CSMD1: variants seen among roughly 807,000 people sequenced by gnomAD.
The protein encoded by CSMD1 is CUB and sushi domain-containing protein 1.
Under a neutral mutation model 417.5 loss-of-function variants are expected in CSMD1, and 213 were observed. The ratio of observed to expected loss-of-function variants is 0.51; its 90% CI spans 0.46 to 0.57. CSMD1 has a LOEUF of 0.57. Ranked by LOEUF, CSMD1 falls within the 20% of genes least tolerant of loss-of-function variation. The probability of loss-of-function intolerance (pLI) is 0.00; values close to 1 mark genes in which losing one functional copy is unlikely to be tolerated. For missense variants in CSMD1, 6,923 were observed against 4,529.7 expected, an observed-to-expected ratio of 1.53 and a Z score of -15.17; for synonymous variants, 2,862 against 1,736.8, an observed-to-expected ratio of 1.65 and a Z score of -16.11.
chr8:4,114,762 T>C (rs1337063703), intron 3 of CSMD1, among the ~76,000 whole-genome samples: 1 of 152,260 alleles, frequency 6.6e-6, no homozygotes, highest in East Asian at 1.9e-4. Context: ...GTTTCAAGAA[T>C]ATAATAAGAC....
intron 1 of CSMD1, among the ~76,000 whole-genome samples, chr8:4,852,506 A>C (rs1801537176): frequency 6.6e-6 from 1 of 152,156 alleles, no homozygotes; most frequent in African/African-American, 2.4e-5. Flanking sequence ...CAGCCAATTA[A>C]ACCTCTTTCA....
In CSMD1 at chr8:3,966,766, C is replaced by A. The variant is rs531064236; in HGVS notation, c.818+31137G>T. ...ACACACACACACACGCGCGCGCGCG[C>A]ACACACACTGATTTATAGGTCTTAG... On this transcript the variant is annotated intron_variant, in intron 5 of 69. Coordinates refer to ENST00000635120, the MANE Select transcript of CSMD1 (RefSeq NM_033225.6). Among the ~76,000 whole-genome samples, 25 of 152,004 alleles carry A rather than the reference C, an allele frequency of 1.6e-4. No individual in the cohort carries two copies. The East Asian group carries it at 4.8e-3, about 29-fold the overall frequency.
chr8:3,105,717 A>T (rs935073470), intron 46 of CSMD1, among the ~76,000 whole-genome samples: 4 of 152,262 alleles, frequency 2.6e-5, no homozygotes, highest in Admixed American at 2.0e-4. Context: ...AATATTAAAC[A>T]CCAGCTAATT....
intron 3 of CSMD1, among the ~76,000 whole-genome samples, chr8:4,232,546 G>C (rs1312190518): frequency 2.6e-5 from 4 of 152,226 alleles, no homozygotes; most frequent in East Asian, 3.9e-4. Flanking sequence ...TAATTGACTT[G>C]GCTTTTCTCC....
intron 3 of CSMD1, among the ~76,000 whole-genome samples, chr8:4,238,705 T>G (rs1307153756): frequency 6.6e-6 from 1 of 152,210 alleles, no homozygotes; most frequent in Admixed American, 6.5e-5. Flanking sequence ...TGTTAGCTGT[T>G]TGGGGCAGGT....
At chr8:4,012,842 C>T (rs577350752) in intron 4 of CSMD1, among the ~76,000 whole-genome samples, 16 of 152,194 alleles carry the variant, frequency 1.1e-4, no homozygotes, top group East Asian at 9.7e-4. Flanking sequence ...CACGAGAAGA[C>T]ACACGGTGCC....
In CSMD1 at chr8:4,466,537, G is replaced by C. The variant is rs892861727; in HGVS notation, c.303-46472C>G. On this transcript the variant is annotated intron_variant, in intron 2 of 69. Transcript: ENST00000635120. The stretch of plus-strand genomic sequence containing the variant: ...TAGAAGGCAATGGAAAGCTGTGTTT[G>C]GAAAACCATGAGCAAAAATGGGCAA... 4.6e-5 allele frequency among the ~76,000 whole-genome samples: 7 copies of C among 152,258 alleles called. No homozygotes were observed. In the South Asian group the frequency reaches 6.2e-4, roughly 14 times the overall value.
chr8:3,730,680 C>T (rs1053618917), intron 6 of CSMD1, among the ~76,000 whole-genome samples: 3 of 152,178 alleles, frequency 2.0e-5, no homozygotes, highest in African/African-American at 7.2e-5. Flanking sequence ...CATTTACTAA[C>T]CTCACCAAAA....
chr8:4,078,923 ATATATATATATATATATATG>A lies in CSMD1; in HGVS notation c.416-46844_416-46825del, dbSNP rs1476509484. Among the ~76,000 whole-genome samples, 145 of 25,462 alleles carry A rather than the reference ATATATATATATATATATATG, an allele frequency of 5.7e-3. 1 individual carries two copies. Among genetic ancestry groups the A allele is most frequent in the East Asian group, 0.051 (28 of 546 alleles). 16.7% of individuals were successfully genotyped at this position (25,462 alleles called of 152,430 possible). On this transcript the variant is annotated intron_variant, in intron 3 of 69. Coordinates refer to ENST00000635120, the MANE Select transcript of CSMD1 (RefSeq NM_033225.6). Reference sequence around the variant, plus strand: ...TATATATATATATATATATATATATATATATATATATATATATATGTATGTTGAAAAGCTATCTTCTCTTC... The same window carrying A: ...TATATATATATATATATATATATATATATGTTGAAAAGCTATCTTCTCTTC...
chr8:3,933,941 C>A (rs1435339181), intron 5 of CSMD1, among the ~76,000 whole-genome samples: 1 of 152,032 alleles, frequency 6.6e-6, no homozygotes, highest in Non-Finnish European at 1.5e-5. Flanking sequence ...AAAAACCAGC[C>A]AGGGACCTAG....
intron 4 of CSMD1, among the ~76,000 whole-genome samples, chr8:4,020,935 T>G (rs1796758107): frequency 6.6e-6 from 1 of 152,236 alleles, no homozygotes; most frequent in Non-Finnish European, 1.5e-5. Flanking sequence ...GGGAAGAATT[T>G]CCAACACATT....
chr8:4,241,760 G>C (rs1802420174), intron 3 of CSMD1, among the ~76,000 whole-genome samples: 1 of 149,706 alleles, frequency 6.7e-6, no homozygotes, highest in Non-Finnish European at 1.5e-5. Flanking sequence ...CTGGAGTGCA[G>C]TGGCGTGATC....
intron 3 of CSMD1, among the ~76,000 whole-genome samples, chr8:4,395,712 T>C (rs1804156437): frequency 6.6e-6 from 1 of 152,136 alleles, no homozygotes; most frequent in Admixed American, 6.6e-5. Context: ...TGAAGAGTCT[T>C]TGTAAAATTA....
chr8:3,546,802 T>A (rs960385858), intron 10 of CSMD1, among the ~76,000 whole-genome samples: 1 of 152,204 alleles, frequency 6.6e-6, no homozygotes, highest in Non-Finnish European at 1.5e-5. Context: ...TGCAGCTCCC[T>A]GAAGAACATC....
At chr8:3,445,424 T>C (rs909616532) in intron 12 of CSMD1, among the ~76,000 whole-genome samples, 4 of 152,140 alleles carry the variant, frequency 2.6e-5, no homozygotes, top group African/African-American at 9.6e-5. Context: ...TTGCAGATAG[T>C]TCTCAGAAAG....
chr8:4,075,381 G>C (rs1345905427), intron 3 of CSMD1, among the ~76,000 whole-genome samples: 1 of 151,776 alleles, frequency 6.6e-6, no homozygotes, highest in Non-Finnish European at 1.5e-5. Flanking sequence ...TGATGCTAAA[G>C]AACAGAAAAA....
intron 3 of CSMD1, among the ~76,000 whole-genome samples, chr8:4,078,695 G>T (rs1251878815): frequency 6.7e-6 from 1 of 149,066 alleles, no homozygotes; most frequent in South Asian, 2.1e-4. Flanking sequence ...GCTAATAAAT[G>T]TTTAAAATTA....
intron 52 of CSMD1, among the ~76,000 whole-genome samples, chr8:3,011,613 T>C (rs886990291): frequency 4.6e-5 from 7 of 152,334 alleles, no homozygotes; most frequent in African/African-American, 1.4e-4. Flanking sequence ...TGCAAACTTA[T>C]TTCTAACAAT....
At chr8:4,927,074 T>C (rs1806917964) in intron 1 of CSMD1, among the ~76,000 whole-genome samples, 1 of 145,572 alleles carries the variant, frequency 6.9e-6, no homozygotes, top group Non-Finnish European at 1.5e-5. Flanking sequence ...GGCTGTGTTA[T>C]TTGCTTTCAA....
Sources: allele counts gnomAD v4.1 joint callset (sites outside exome capture counted in the v4.1 genomes callset), GRCh38; gene constraint gnomAD v4.1.1; transcripts MANE v1.5; gene names NCBI Gene and HGNC (gene_info 2026-07-23, HGNC 2026-07-21).